Variants in ZNF568 observed in about 807,000 individuals in gnomAD.
ZNF568 encodes the protein p53 inhibitor of SCO2 activation.
Under a neutral mutation model 18.1 loss-of-function variants are expected in ZNF568, and 11 were observed. That is an observed-to-expected ratio of 0.61 (90% confidence interval 0.38 to 1.00). ZNF568 has a LOEUF of 1.00. Ranked by LOEUF, ZNF568 falls within the 50% of genes least tolerant of loss-of-function variation. The probability of loss-of-function intolerance (pLI) is 0.01; values close to 1 mark genes in which losing one functional copy is unlikely to be tolerated. For synonymous variants in ZNF568, 213 were observed against 246.6 expected (o/e 0.86, Z 1.28); for missense variants, 639 against 768.2 (o/e 0.83, Z 1.99).
chr19:36,980,163 A>G (rs1368850397), downstream of ZNF568: 1 of 152,094 alleles, frequency 6.6e-6, no homozygotes, highest in African/African-American at 2.4e-5. Context: ...TGTGCTGTGC[A>G]TGCTTTCTTA....
At chr19:36,930,142 C>T (rs572944235) in intron 4 of ZNF568, among the ~76,000 whole-genome samples, 2 of 151,714 alleles carry the variant, frequency 1.3e-5, no homozygotes, top group African/African-American at 4.8e-5. Context: ...TCATTTTATA[C>T]AGTCAAAAAT....
At chr19:36,920,143 C>T (rs1365278237) in intron 2 of ZNF568, among the ~76,000 whole-genome samples, 2 of 152,024 alleles carry the variant, frequency 1.3e-5, no homozygotes, top group African/African-American at 4.8e-5. Flanking sequence ...ACCAATGATC[C>T]TGGACACTGT....
intron 6 of ZNF568, among the ~76,000 whole-genome samples, chr19:36,961,753 C>T (rs1408163863): frequency 3.3e-5 from 5 of 152,114 alleles, no homozygotes; most frequent in African/African-American, 4.8e-5. Context: ...AAACTCCTGA[C>T]CTCAGGTGAT....
At position 36,949,159 on chromosome 19, in the gene ZNF568, A is replaced by G. The variant is rs188222772; in HGVS notation, c.359-353A>G. 4.3e-4 allele frequency among the ~76,000 whole-genome samples: 65 copies of G among 152,256 alleles called. 1 individual carries two copies. Among genetic ancestry groups the G allele is most frequent in the Admixed American group, 2.9e-3 (45 of 15,288 alleles). ...ATTCAAGCCTGTGTGTTTAGTCACA[A>G]ATGTTCATTTTGTTCTCTAGCCGTT... is the stretch of plus-strand genomic sequence containing the variant. On this transcript the variant is annotated intron_variant, in intron 6 of 6. Coordinates refer to ENST00000333987, the MANE Select transcript of ZNF568 (RefSeq NM_198539.4).
At position 36,925,181 on chromosome 19, in the gene ZNF568, T is replaced by C. The variant is rs375784255; in HGVS notation, c.77-19T>C. ...GTCTGAAACTTTGAAGCAAATCTGT[T>C]TCATTTCTCTTCCCTCAGCTTGGTG... On this transcript the variant is annotated intron_variant, in intron 3 of 6. Transcript: ENST00000333987. 1.2e-6 allele frequency: 2 copies of C among 1,613,518 alleles called. No homozygotes were observed. Among genetic ancestry groups the C allele is most frequent in the African/African-American group, 1.3e-5 (1 of 74,914 alleles).
chr19:36,954,735 ATT>A (rs5827970), downstream of ZNF568, among the ~76,000 whole-genome samples: 4 of 143,036 alleles, frequency 2.8e-5, no homozygotes, highest in Non-Finnish European at 3.1e-5. Flanking sequence ...TGCCTGGCTA[ATT>A]TTTTTTTTTT....
In ZNF568 at chr19:36,949,904, G is replaced by T; in HGVS notation, c.751G>T (p.Glu251Ter). 1 of 1,613,692 alleles carries T rather than the reference G, an allele frequency of 6.2e-7. No homozygotes were observed. The highest frequency in any genetic ancestry group is 8.5e-7 in the Non-Finnish European group (1 of 1,179,854). The change falls in exon 7 of 7, where the codon GAA becomes TAA. Residue 251 changes from glutamate to a stop codon, truncating the protein, a stop_gained. Transcript: ENST00000333987. LOFTEE classifies it low-confidence loss of function (END_TRUNC). The stretch of plus-strand genomic sequence containing the variant: ...AATTCATGCTGGAGAGAAACCTTAC[G>T]AATGTAAAGAATGTGGAAAAGCCTT... ...ERIHAGEKPY[E>*]CKECGKAFSR...
At chr19:36,926,857 A>G (rs1053468758) in intron 4 of ZNF568, among the ~76,000 whole-genome samples, 6 of 152,146 alleles carry the variant, frequency 3.9e-5, no homozygotes, top group Non-Finnish European at 7.4e-5. Context: ...AAGCTTACAT[A>G]ACATCGTGCA....
chr19:36,965,589 G>A (rs1390305313), intron 6 of ZNF568, among the ~76,000 whole-genome samples: 8 of 151,944 alleles, frequency 5.3e-5, no homozygotes, highest in Non-Finnish European at 8.8e-5. Flanking sequence ...TTCTGGAATA[G>A]ATTTTTTTTC....
intron 6 of ZNF568, among the ~76,000 whole-genome samples, 186 bp from the exon 7 acceptor site, chr19:36,949,326 T>C (rs1192633561): frequency 3.3e-5 from 5 of 152,232 alleles, no homozygotes; most frequent in African/African-American, 1.2e-4. Flanking sequence ...TGTCTCCATA[T>C]GTTTTATGTA....
chr19:36,947,079 G>A (rs948868486), intron 6 of ZNF568, among the ~76,000 whole-genome samples: 3 of 149,650 alleles, frequency 2.0e-5, no homozygotes, highest in Admixed American at 6.7e-5. Flanking sequence ...GCAGCGGCAC[G>A]ATCTCGGCTC....
intron 4 of ZNF568, among the ~76,000 whole-genome samples, chr19:36,996,133 G>A (rs141593328): frequency 5.3e-5 from 8 of 152,212 alleles, no homozygotes; most frequent in Non-Finnish European, 1.2e-4. Flanking sequence ...GGGAGGCTAA[G>A]GTGGGCAGAT....
At chr19:36,994,983 T>C (rs2074457598) in intron 4 of ZNF568, among the ~76,000 whole-genome samples, 1 of 152,118 alleles carries the variant, frequency 6.6e-6, no homozygotes, top group Admixed American at 6.6e-5. Flanking sequence ...TTACAATTTT[T>C]GTCTTAAAGT....
rs200880642 is a variant in ZNF568 at position 36,933,898 on chromosome 19, G to GT, written c.136-2848_136-2847insT. ...TAGGCCTGAGTTTTTCTTTTGGGTA[G>GT]GTTTTTTTTTTTGTTTTGTTTTTTT... On this transcript the variant is annotated intron_variant, in intron 4 of 6. Transcript: ENST00000333987. Among the ~76,000 whole-genome samples, 14 of 25,758 alleles carry GT rather than the reference G, an allele frequency of 5.4e-4. 3 individuals are homozygous for GT. Among genetic ancestry groups the GT allele is most frequent in the African/African-American group, 2.8e-3 (10 of 3,566 alleles). The allele number at this position is 25,758 out of a possible 152,430, so 16.9% of individuals were successfully genotyped here.
chr19:36,963,337 A>C (rs2074169759), intron 6 of ZNF568, among the ~76,000 whole-genome samples: 1 of 152,198 alleles, frequency 6.6e-6, no homozygotes, highest in African/African-American at 2.4e-5. Context: ...AATGATGGAA[A>C]TATTAACCCA....
At chr19:36,936,023 G>A (rs1418703886) in intron 4 of ZNF568, among the ~76,000 whole-genome samples, 3 of 152,006 alleles carry the variant, frequency 2.0e-5, no homozygotes, top group Non-Finnish European at 2.9e-5. Flanking sequence ...TATGTCTCAT[G>A]TCATTTTTTG....
intron 6 of ZNF568, among the ~76,000 whole-genome samples, chr19:36,945,323 T>C (rs2073947094): frequency 6.6e-6 from 1 of 151,490 alleles, no homozygotes; most frequent in South Asian, 2.1e-4. Flanking sequence ...TCCACTTACA[T>C]GCTGATTTTC....
chr19:36,960,110 C>CTTTTTTTTTTTTTT (rs34588591), intron 6 of ZNF568, among the ~76,000 whole-genome samples: 1 of 87,664 alleles, frequency 1.1e-5, no homozygotes, highest in Non-Finnish European at 2.2e-5. Context: ...AATTGTTCTA[C>CTTTTTTTTTTTTTT]TTTTTTTTTT....
In ZNF568 at chr19:36,996,855, G is replaced by T. The variant is rs773774483; in HGVS notation, c.768G>T (p.Met256Ile). Reference sequence around the variant, plus strand: ...CACAAATTAGTCAGCATCAGAGGATGCATCTTGGTGAGAAACCCTATAAGT... The same window carrying T: ...CACAAATTAGTCAGCATCAGAGGATTCATCTTGGTGAGAAACCCTATAAGT... Residue 256 changes from methionine (M) to isoleucine (I), a missense_variant, in exon 5 of 5, where the codon ATG becomes ATT. Coordinates refer to the ZNF568 transcript ENST00000433993. 10 of 1,538,036 alleles carry T rather than the reference G, an allele frequency of 6.5e-6. No homozygotes were observed. In the South Asian group the frequency reaches 1.2e-4, roughly 18 times the overall value.
Sources: allele counts gnomAD v4.1 joint callset (sites outside exome capture counted in the v4.1 genomes callset), GRCh38; gene constraint gnomAD v4.1.1; transcripts MANE v1.5; gene names NCBI Gene and HGNC (gene_info 2026-07-23, HGNC 2026-07-21).